Variants in ERC1 observed in about 807,000 individuals in gnomAD.
ERC1 encodes the protein ELKS/RAB6-interacting/CAST family member 1.
Under a neutral mutation model 132.0 loss-of-function variants are expected in ERC1, and 56 were observed. That is an observed-to-expected ratio of 0.42 (90% CI 0.34 to 0.53). The LOEUF (loss-of-function observed/expected upper bound fraction) is 0.53. Ranked by LOEUF, ERC1 falls within the 20% of genes least tolerant of loss-of-function variation. The pLI is 0.03. For missense variants in ERC1, 1,202 were observed against 1,349.9 expected (o/e 0.89, Z 1.72); for synonymous variants, 478 against 476.1 (o/e 1.00, Z -0.05).
At chr12:1,365,373 T>C (rs2086563708) in intron 15 of ERC1, among the ~76,000 whole-genome samples, 1 of 151,558 alleles carries the variant, frequency 6.6e-6, no homozygotes, top group South Asian at 2.1e-4. Context: ...AGCTTCAGGA[T>C]AGGTGAAAAC....
At chr12:1,229,079 G>T (rs1295373602) in intron 12 of ERC1, among the ~76,000 whole-genome samples, 4 of 152,212 alleles carry the variant, frequency 2.6e-5, no homozygotes, top group Admixed American at 6.5e-5. Context: ...AATTTGAGAA[G>T]AATTGGTACT....
At chr12:1,367,951 C>CT (rs59027116) in intron 15 of ERC1, among the ~76,000 whole-genome samples, 9,404 of 118,492 alleles carry the variant, frequency 0.079, 1,218 homozygotes, top group African/African-American at 0.28. Flanking sequence ...CCACATTTTC[C>CT]TTTTTTTTTT....
intron 1 of ERC1, among the ~76,000 whole-genome samples, chr12:1,000,995 C>T (rs1321442961): frequency 6.6e-6 from 1 of 152,074 alleles, no homozygotes; most frequent in African/African-American, 2.4e-5. Flanking sequence ...ACGGCACCTC[C>T]CAGGTTCAAG....
At chr12:1,317,313 C>G (rs972699657) in intron 15 of ERC1, among the ~76,000 whole-genome samples, 1 of 151,992 alleles carries the variant, frequency 6.6e-6, no homozygotes, top group African/African-American at 2.4e-5. Context: ...AACAGAAAAC[C>G]AAACACCGCA....
intron 16 of ERC1, among the ~76,000 whole-genome samples, chr12:1,404,640 C>A: frequency 6.6e-6 from 1 of 152,154 alleles, no homozygotes; most frequent in East Asian, 1.9e-4. Context: ...CCTTGTTCCT[C>A]GTTATTTTCT....
At chr12:1,040,248 G>A (rs980191539) in intron 2 of ERC1, among the ~76,000 whole-genome samples, 1 of 151,542 alleles carries the variant, frequency 6.6e-6, no homozygotes, top group Non-Finnish European at 1.5e-5. Flanking sequence ...GATTAGAAAT[G>A]CTTTTATGAA....
chr12:1,247,258 A>G (rs1594520088), intron 13 of ERC1, among the ~76,000 whole-genome samples: 1 of 151,510 alleles, frequency 6.6e-6, no homozygotes, highest in East Asian at 1.9e-4. Context: ...CCGGAAAGAA[A>G]GGACATTGGT....
chr12:1,099,942 G>A (rs1331032495), intron 3 of ERC1, among the ~76,000 whole-genome samples: 1 of 139,684 alleles, frequency 7.2e-6, no homozygotes, highest in Non-Finnish European at 1.5e-5. Context: ...CCACCTCCTG[G>A]GTTCAAGCCA....
chr12:1,343,014 T>C (rs2084070003), intron 15 of ERC1, among the ~76,000 whole-genome samples: 1 of 152,210 alleles, frequency 6.6e-6, no homozygotes, highest in African/African-American at 2.4e-5. Context: ...TGCCTGTCAC[T>C]CATGCGGTCC....
chr12:1,194,277 C>G (rs766995177), intron 12 of ERC1, among the ~76,000 whole-genome samples: 2 of 152,002 alleles, frequency 1.3e-5, no homozygotes, highest in Non-Finnish European at 2.9e-5. Context: ...AAAAATTAGC[C>G]AGGCATGATG....
chr12:1,352,547 C>A (rs1406286604), intron 15 of ERC1, among the ~76,000 whole-genome samples: 1 of 152,208 alleles, frequency 6.6e-6, no homozygotes. Flanking sequence ...ATTATAATAG[C>A]TAGAATGTTC....
At chr12:1,387,879 G>A (rs952403786) in intron 16 of ERC1, among the ~76,000 whole-genome samples, 1 of 152,350 alleles carries the variant, frequency 6.6e-6, no homozygotes, top group African/African-American at 2.4e-5. Flanking sequence ...AGTCCTTCAT[G>A]TATGACAAGC....
intron 17 of ERC1, among the ~76,000 whole-genome samples, chr12:1,428,529 C>G (rs926671474): frequency 1.3e-5 from 2 of 152,082 alleles, no homozygotes; most frequent in African/African-American, 2.4e-5. Context: ...TTACTCACCC[C>G]CCTCAGTTAG....
chr12:1,182,840 T>A (rs553528562), intron 10 of ERC1, among the ~76,000 whole-genome samples: 1,533 of 105,330 alleles, frequency 0.015, 28 homozygotes, highest in African/African-American at 0.13. Flanking sequence ...TTAAAAAAAT[T>A]TTTTTTTGTG....
chr12:1,068,168 G>A (rs1450871092), intron 2 of ERC1, among the ~76,000 whole-genome samples: 1 of 152,044 alleles, frequency 6.6e-6, no homozygotes, highest in African/African-American at 2.4e-5. Flanking sequence ...CTGACTTTGT[G>A]ATCTGCCCAC....
At chr12:1,024,842 G>GAAAAAAAAAAAAA (rs201143939) in intron 1 of ERC1, among the ~76,000 whole-genome samples, 1 of 72,510 alleles carries the variant, frequency 1.4e-5, no homozygotes, top group Non-Finnish European at 3.1e-5. Flanking sequence ...AAAAAAAGTG[G>GAAAAAAAAAAAAA]AAAAAAAAAA....
At chr12:1,258,407 G>A (rs76415119) in intron 13 of ERC1, among the ~76,000 whole-genome samples, 3,886 of 152,286 alleles carry the variant, frequency 0.026, 75 homozygotes, top group South Asian at 0.081. Flanking sequence ...CAAGCCTCAG[G>A]CTACACATGG....
intron 14 of ERC1, among the ~76,000 whole-genome samples, chr12:1,266,316 C>T (rs150126614): frequency 6.7e-6 from 1 of 149,284 alleles, no homozygotes; most frequent in Non-Finnish European, 1.5e-5. Flanking sequence ...TATGTTTATA[C>T]TTCTGAAGCC....
chr12:1,250,957 A>G (rs2076434500), intron 13 of ERC1, among the ~76,000 whole-genome samples: 1 of 152,202 alleles, frequency 6.6e-6, no homozygotes, highest in South Asian at 2.1e-4. Flanking sequence ...ATAAAGTTCA[A>G]AGAAAGTGAA....
Sources: allele counts gnomAD v4.1 joint callset (sites outside exome capture counted in the v4.1 genomes callset), GRCh38; gene constraint gnomAD v4.1.1; transcripts MANE v1.5; gene names NCBI Gene and HGNC (gene_info 2026-07-23, HGNC 2026-07-21).